STRN4: variants seen among roughly 807,000 people sequenced by gnomAD.
STRN4 encodes the protein striatin 4.
In STRN4, 27 loss-of-function variants were observed where a neutral mutation model predicts 77.9. The ratio of observed to expected loss-of-function variants is 0.35; its 90% CI spans 0.26 to 0.48. STRN4 has a LOEUF of 0.48. Ranked by LOEUF, STRN4 falls within the 20% of genes least tolerant of loss-of-function variation. The pLI is 0.99. For missense variants in STRN4, 798 were observed against 1,049.7 expected (o/e 0.76, Z 3.31); for synonymous variants, 466 against 443.1 (o/e 1.05, Z -0.65).
chr19:46,727,740 G>GGAGACAGA, intron 8 of STRN4, 154 bp downstream of exon 8: 4 of 779,020 alleles, frequency 5.1e-6, no homozygotes, highest in Non-Finnish European at 8.1e-6. Context: ...AAAAAGAGAG[G>GGAGACAGA]GAGACAGACA....
intron 4 of STRN4, among the ~76,000 whole-genome samples, chr19:46,736,616 C>A (rs2054370268): frequency 6.6e-6 from 1 of 151,556 alleles, no homozygotes; most frequent in South Asian, 2.1e-4. Flanking sequence ...AGGGGTGTCC[C>A]CACGTCTGCC....
intron 14 of STRN4, among the ~76,000 whole-genome samples, chr19:46,722,554 C>G (rs114669175): frequency 1.4e-3 from 214 of 152,282 alleles, no homozygotes; most frequent in African/African-American, 4.7e-3. Flanking sequence ...GAATAACAAA[C>G]ATGAACACAT....
chr19:46,728,983 C>CA, intron 6 of STRN4: 2 of 588,874 alleles, frequency 3.4e-6, no homozygotes, highest in South Asian at 4.7e-5. Flanking sequence ...ACCCCACCCT[C>CA]ACGCAGTCCT....
At chr19:46,742,843 G>A (rs1051596646) in intron 1 of STRN4, among the ~76,000 whole-genome samples, 2 of 152,208 alleles carry the variant, frequency 1.3e-5, no homozygotes, top group African/African-American at 2.4e-5. Flanking sequence ...TTACAGGCGC[G>A]AGCCACCGCG....
chr19:46,728,417 C>T, intron 7 of STRN4: 1 of 717,296 alleles, frequency 1.4e-6, no homozygotes, highest in Non-Finnish European at 2.2e-6. Context: ...GCCTGCGTCT[C>T]CATGGGGATT....
chr19:46,722,735 C>G, intron 14 of STRN4, 75 bp downstream of exon 14: 2 of 1,582,810 alleles, frequency 1.3e-6, no homozygotes, highest in Non-Finnish European at 1.7e-6. Flanking sequence ...GACAAGGGGT[C>G]GCCAAAGCCC....
intron 8 of STRN4, 41 bp from the exon 9 acceptor site, chr19:46,727,587 G>A: frequency 6.7e-7 from 1 of 1,499,322 alleles, no homozygotes; most frequent in Non-Finnish European, 9.3e-7. Context: ...GGAGGGGAGG[G>A]AGGGGCAGAG....
chr19:46,742,614 G>A (rs1417485369), intron 1 of STRN4, among the ~76,000 whole-genome samples: 2 of 152,168 alleles, frequency 1.3e-5, no homozygotes, highest in Non-Finnish European at 2.9e-5. Flanking sequence ...CAAGGCTGGA[G>A]TGCAGTGGTG....
intron 5 of STRN4, chr19:46,732,341 C>CA (rs2054272817): frequency 1.3e-5 from 2 of 152,760 alleles, no homozygotes; most frequent in South Asian, 4.0e-4. Context: ...GAGTCAAACT[C>CA]AGACTCTATC....
intron 6 of STRN4, 38 bp downstream of exon 6, chr19:46,730,694 C>T (rs777483569): frequency 6.2e-7 from 1 of 1,607,250 alleles, no homozygotes; most frequent in South Asian, 1.1e-5. Context: ...CAGGTCACAC[C>T]CAGGCCAGGC....
Position 46,746,176 on chromosome 19 carries a change from G to T in STRN4, c.255C>A (p.Arg85=), listed in dbSNP as rs767225114. The T allele has an allele frequency of 3.3e-6, 5 of 1,536,602 alleles. No individual in the cohort carries two copies. In the East Asian group the frequency reaches 8.1e-5, roughly 25 times the overall value. The part of the protein sequence containing the change: ...EWARFEAEKA[R]WEAERAELQA... The stretch of plus-strand genomic sequence containing the variant: ...GTAACTCGGCGCGCTCGGCCTCCCA[G>T]CGGGCTTTCTCGGCTTCGAAGCGCG... Residue 85 remains arginine, a synonymous_variant, in exon 1 of 18, where the codon CGC becomes CGA. Coordinates refer to ENST00000263280, the MANE Select transcript of STRN4 (RefSeq NM_013403.3).
At chr19:46,735,895 C>T (rs1263790420) in intron 4 of STRN4, among the ~76,000 whole-genome samples, 2 of 151,364 alleles carry the variant, frequency 1.3e-5, no homozygotes. Flanking sequence ...ACCCGGGAGG[C>T]AGAGGTTGCA....
At position 46,728,675 on chromosome 19, in the gene STRN4, C is replaced by T; in HGVS notation, c.982G>A (p.Gly328Arg). ...EFDFLGSGED[G>R]EGAPDPRRCT... ...CGCCGAGGGTCTGGAGCCCCTTCCC[C>T]ATCCTCTCCTGAGCCCAGGAAATCA... The change falls in exon 7 of 18, where the codon GGG (glycine) becomes AGG (arginine). Residue 328 changes from glycine (G) to arginine (R), a missense_variant. By Grantham distance (125) the Gly-to-Arg change is moderately radical (BLOSUM62 -2). Around this residue, in one of 2 missense-constraint regions of STRN4, gnomAD observed 511 missense variants for 575.9 expected, o/e 0.89. Transcript: ENST00000263280. 1 of 1,614,170 alleles carries T rather than the reference C, an allele frequency of 6.2e-7. No homozygotes were observed. The highest frequency in any genetic ancestry group is 8.5e-7 in the Non-Finnish European group (1 of 1,180,004).
intron 5 of STRN4, among the ~76,000 whole-genome samples, 173 bp downstream of exon 5, chr19:46,732,866 C>T (rs548429826): frequency 2.0e-5 from 3 of 152,270 alleles, no homozygotes; most frequent in East Asian, 1.9e-4. Flanking sequence ...GGACAGAATC[C>T]GGGGGATCCC....
At chr19:46,746,094 A>AGGCCGGGCCG (rs568014119) in intron 1 of STRN4, 55 bp downstream of exon 1, 124 of 1,244,466 alleles carry the variant, frequency 1.0e-4, no homozygotes, top group Middle Eastern at 2.7e-4. Flanking sequence ...GCAGCGGGTG[A>AGGCCGGGCCG]GGCCGGGCCG....
Position 46,746,334 on chromosome 19 carries a change from G to A in STRN4, c.97C>T (p.Pro33Ser). ...GGCCCGGGGGCAGGGGCGGAGACCG[G>A]GGCCGCCCCAGTGGGGCCAGGGCCC... ...GAGPGPTGAA[P>S]VSAPAPGPGP... Residue 33 changes from proline to serine, a missense_variant, in exon 1 of 18, where the codon CCG (proline) becomes TCG (serine). Coordinates refer to ENST00000263280, the MANE Select transcript of STRN4 (RefSeq NM_013403.3). 1 of 1,292,948 alleles carries A rather than the reference G, an allele frequency of 7.7e-7. No individual in the cohort carries two copies. Among genetic ancestry groups the A allele is most frequent in the Non-Finnish European group, 9.7e-7 (1 of 1,027,004 alleles). 80.1% of individuals were successfully genotyped at this position (1,292,948 alleles called of 1,614,324 possible).
In STRN4 at chr19:46,727,882, G is replaced by T; in HGVS notation, c.1153+12C>A. ...CCCGCAGGACTGGGACCAGGTGGGG[G>T]GTGCCTCTTACCTTCATGTGGCCGG... On this transcript the variant is annotated intron_variant, in intron 8 of 17. Coordinates refer to ENST00000263280, the MANE Select transcript of STRN4 (RefSeq NM_013403.3). 6.3e-7 allele frequency: 1 copy of T among 1,585,260 alleles called. No individual in the cohort carries two copies.
At chr19:46,726,855 G>A (rs1029787851) in intron 9 of STRN4, among the ~76,000 whole-genome samples, 3 of 152,122 alleles carry the variant, frequency 2.0e-5, no homozygotes, top group Non-Finnish European at 2.9e-5. Flanking sequence ...TCAGAACACT[G>A]CACTTCCCCA....
rs1442810513 is a variant in STRN4, at chr19:46,741,216, G to A, written c.283-2328C>T. On this transcript the variant is annotated intron_variant, in intron 1 of 17. Coordinates refer to ENST00000263280, the MANE Select transcript of STRN4 (RefSeq NM_013403.3). The surrounding 1 kb of genome is among the most constrained non-coding windows in gnomAD (Gnocchi z 4.9). ...AGTCCCAGAAATCCCAGGACAGAAC[G>A]GTAGTGGCTTGGACTAGGCCGGGGC... Among the ~76,000 whole-genome samples the A allele has an allele frequency of 6.6e-6, 1 of 152,182 alleles. No homozygotes were observed. The highest frequency in any genetic ancestry group is 1.5e-5 in the Non-Finnish European group (1 of 68,030).
Sources: allele counts gnomAD v4.1 joint callset (sites outside exome capture counted in the v4.1 genomes callset), GRCh38; gene constraint gnomAD v4.1.1; regional missense constraint gnomAD v4.1.1; non-coding constraint Gnocchi (gnomAD v3.1); transcripts MANE v1.5; gene names NCBI Gene and HGNC (gene_info 2026-07-23, HGNC 2026-07-21).